The following KCTD16 variants were observed in gnomAD, a reference collection of about 807,000 sequenced individuals.
The protein encoded by KCTD16 is BTB/POZ domain-containing protein KCTD16.
Under a neutral mutation model 33.2 loss-of-function variants are expected in KCTD16, and 13 were observed. The observed-to-expected ratio is 0.39, with a 90% CI of 0.25 to 0.62. The LOEUF (loss-of-function observed/expected upper bound fraction) is 0.62. Among genes scored for constraint, KCTD16 ranks in the 20% least tolerant of loss-of-function variants. KCTD16 has a pLI of 0.50. For synonymous variants in KCTD16, 197 were observed against 195.3 expected (o/e 1.01, Z -0.07); for missense variants, 441 against 525.1 (o/e 0.84, Z 1.57).
chr5:144,398,290 T>C (rs533990921), intron 3 of KCTD16, among the ~76,000 whole-genome samples: 1 of 152,322 alleles, frequency 6.6e-6, no homozygotes, highest in Admixed American at 6.5e-5. Context: ...TATTTACCAT[T>C]AAAATGGTGG....
intron 3 of KCTD16, among the ~76,000 whole-genome samples, chr5:144,354,694 G>T (rs539361494): frequency 2.6e-5 from 4 of 152,056 alleles, no homozygotes; most frequent in Non-Finnish European, 5.9e-5. Context: ...ATTTTTGAGG[G>T]TTCCTGCTTT....
intron 3 of KCTD16, among the ~76,000 whole-genome samples, chr5:144,372,687 G>A (rs1205627042): frequency 2.0e-5 from 3 of 152,170 alleles, no homozygotes; most frequent in Non-Finnish European, 4.4e-5. Flanking sequence ...GAAACTGTAT[G>A]TCTAAAGGCT....
At chr5:144,355,571 G>A (rs1055059820) in intron 3 of KCTD16, among the ~76,000 whole-genome samples, 14 of 152,236 alleles carry the variant, frequency 9.2e-5, no homozygotes, top group Middle Eastern at 3.4e-3. Flanking sequence ...GTTTACTTCC[G>A]TAAAATGGCA....
intron 3 of KCTD16, among the ~76,000 whole-genome samples, chr5:144,344,767 C>G (rs1175887369): frequency 2.0e-5 from 3 of 150,214 alleles, no homozygotes; most frequent in East Asian, 1.9e-4. Context: ...GGACTGTAAA[C>G]TAGTTCAACC....
At chr5:144,457,479 T>C (rs1051140289) in intron 3 of KCTD16, among the ~76,000 whole-genome samples, 2 of 152,118 alleles carry the variant, frequency 1.3e-5, no homozygotes, top group Admixed American at 6.5e-5. Flanking sequence ...GGAGGGGGAT[T>C]GGAAGGGCAT....
intron 3 of KCTD16, among the ~76,000 whole-genome samples, chr5:144,325,337 T>C (rs1447223042): frequency 6.6e-6 from 1 of 152,186 alleles, no homozygotes; most frequent in Non-Finnish European, 1.5e-5. Flanking sequence ...CTGTGTCTAA[T>C]AGGACATCTG....
At chr5:144,460,349 T>G (rs1325893747) in intron 3 of KCTD16, among the ~76,000 whole-genome samples, 1 of 152,222 alleles carries the variant, frequency 6.6e-6, no homozygotes, top group Non-Finnish European at 1.5e-5. Flanking sequence ...CCATGGCATC[T>G]GAACATTATC....
At chr5:144,214,220 C>T (rs1753489533) in intron 3 of KCTD16, among the ~76,000 whole-genome samples, 1 of 152,150 alleles carries the variant, frequency 6.6e-6, no homozygotes, top group South Asian at 2.1e-4. Context: ...CCTTCATCTC[C>T]CTCAGGTCCG....
At chr5:144,356,747 T>A in intron 3 of KCTD16, among the ~76,000 whole-genome samples, 1 of 152,102 alleles carries the variant, frequency 6.6e-6, no homozygotes, top group South Asian at 2.1e-4. Flanking sequence ...AAGGACAACA[T>A]AGTTTCTCCC....
chr5:144,181,492 T>A (rs1752625321), intron 2 of KCTD16, among the ~76,000 whole-genome samples: 1 of 152,196 alleles, frequency 6.6e-6, no homozygotes, highest in Admixed American at 6.5e-5. Flanking sequence ...GCAGCATTTT[T>A]CAAAATAGCT....
chr5:144,326,847 C>T (rs746887277), intron 3 of KCTD16, among the ~76,000 whole-genome samples: 10 of 152,106 alleles, frequency 6.6e-5, no homozygotes, highest in Non-Finnish European at 7.3e-5. Context: ...AAAGACTCTT[C>T]CAAGCAGATA....
chr5:144,344,862 C>A (rs1561574894), intron 3 of KCTD16, among the ~76,000 whole-genome samples: 2 of 151,310 alleles, frequency 1.3e-5, no homozygotes, highest in Non-Finnish European at 3.0e-5. Flanking sequence ...TGGGTATATA[C>A]CCAAAGGACT....
At chr5:144,196,736 C>T (rs903155970) in intron 2 of KCTD16, among the ~76,000 whole-genome samples, 1 of 152,150 alleles carries the variant, frequency 6.6e-6, no homozygotes, top group Non-Finnish European at 1.5e-5. Flanking sequence ...GAATGGCAAC[C>T]AGATTTATCA....
At chr5:144,223,302 A>G (rs1753822500) in intron 3 of KCTD16, among the ~76,000 whole-genome samples, 1 of 152,212 alleles carries the variant, frequency 6.6e-6, no homozygotes, top group Non-Finnish European at 1.5e-5. Context: ...TAAAAATAAT[A>G]TATGTATAAA....
intron 3 of KCTD16, among the ~76,000 whole-genome samples, chr5:144,342,117 C>T (rs1032675166): frequency 6.6e-6 from 1 of 151,968 alleles, no homozygotes; most frequent in Non-Finnish European, 1.5e-5. Context: ...TGAAGAAAGT[C>T]ATTGGTAGCT....
rs1032151995 is a variant in KCTD16 at position 144,210,559 on chromosome 5, T to C, written c.832+3013T>C. On this transcript the variant is annotated intron_variant, in intron 3 of 3. Transcript: ENST00000512467. ...TGACTGAATAATTACTTTTCAAGCATTATGTGGAAGGTGAGGTCATAAATA... is the reference window on the plus strand; with the variant it reads ...TGACTGAATAATTACTTTTCAAGCACTATGTGGAAGGTGAGGTCATAAATA... Among the ~76,000 whole-genome samples the C allele has an allele frequency of 1.6e-4, 24 of 152,144 alleles. 1 individual carries two copies. Among genetic ancestry groups the C allele is most frequent in the Non-Finnish European group, 7.4e-5 (5 of 68,000 alleles).
rs1182415039 is a variant in KCTD16 at position 144,170,983 on chromosome 5, T to C, written c.-519T>C. 6.6e-6 allele frequency: 1 copy of C among 152,230 alleles called. No homozygotes were observed. Among genetic ancestry groups the C allele is most frequent in the Non-Finnish European group, 1.5e-5 (1 of 68,052 alleles). The allele number at this position is 152,230 out of a possible 1,614,324, so 9.4% of individuals were successfully genotyped here. On this transcript the variant is annotated 5_prime_UTR_variant, in exon 1 of 4. The change abolishes the stop of an existing upstream ORF in the 5' untranslated region. Coordinates refer to ENST00000512467, the MANE Select transcript of KCTD16 (RefSeq NM_020768.4). Reference sequence around the variant, plus strand: ...AATGCCTCGGTGTCAGCATTTACTGTGATTCAAGCACTGTGCTAAAGTGTT... The same window carrying C: ...AATGCCTCGGTGTCAGCATTTACTGCGATTCAAGCACTGTGCTAAAGTGTT...
rs1308780190 is a variant in KCTD16 at position 144,481,030 on chromosome 5, A to G, written c.*6916A>G. 1 of 151,996 alleles carries G rather than the reference A, an allele frequency of 6.6e-6. No individual in the cohort carries two copies. The highest frequency in any genetic ancestry group is 1.5e-5 in the Non-Finnish European group (1 of 67,918). The allele number at this position is 151,996 out of a possible 1,614,324, so 9.4% of individuals were successfully genotyped here. On this transcript the variant is annotated 3_prime_UTR_variant, in exon 4 of 4. Coordinates refer to ENST00000512467, the MANE Select transcript of KCTD16 (RefSeq NM_020768.4). ...TGTGAAAGCTGAGATTTACAGAAATAGGAAACTTTTTCCAGGGATCTGGTA... is the reference window on the plus strand; with the variant it reads ...TGTGAAAGCTGAGATTTACAGAAATGGGAAACTTTTTCCAGGGATCTGGTA...
chr5:144,239,694 A>G (rs1020689808), intron 3 of KCTD16, among the ~76,000 whole-genome samples: 4 of 152,152 alleles, frequency 2.6e-5, no homozygotes, highest in African/African-American at 7.2e-5. Flanking sequence ...AAACAAGGTT[A>G]TCCCTATCAT....
Sources: allele counts gnomAD v4.1 joint callset (sites outside exome capture counted in the v4.1 genomes callset), GRCh38; gene constraint gnomAD v4.1.1; transcripts MANE v1.5; gene names NCBI Gene and HGNC (gene_info 2026-07-23, HGNC 2026-07-21).